The following PRKG1 variants were observed in gnomAD, a reference collection of about 807,000 sequenced individuals.
PRKG1 encodes the protein protein kinase cGMP-dependent 1.
In PRKG1, 35 loss-of-function variants were observed where a neutral mutation model predicts 88.1. The observed-to-expected ratio is 0.40, with a 90% CI of 0.30 to 0.53. The LOEUF (loss-of-function observed/expected upper bound fraction) is 0.53. PRKG1 is among the 20% of genes least tolerant of loss of function. PRKG1 has a pLI of 0.59. For missense variants in PRKG1, 540 were observed against 839.8 expected, an observed-to-expected ratio of 0.64 and a Z score of 4.41; for synonymous variants, 303 against 292.5, an observed-to-expected ratio of 1.04 and a Z score of -0.37.
intron 2 of PRKG1, among the ~76,000 whole-genome samples, chr10:51,196,308 T>G (rs1837764127): frequency 6.6e-6 from 1 of 152,232 alleles, no homozygotes; most frequent in South Asian, 2.1e-4. Flanking sequence ...AAGGCTTATA[T>G]GAATTAGATT....
intron 1 of PRKG1, among the ~76,000 whole-genome samples, chr10:51,105,164 C>G (rs1224223763): frequency 2.6e-5 from 4 of 152,206 alleles, no homozygotes; most frequent in Non-Finnish European, 5.9e-5. Flanking sequence ...AGCCACTGCA[C>G]CCAGCCCAGT....
At chr10:52,245,143 A>G (rs1403224391) in intron 9 of PRKG1, among the ~76,000 whole-genome samples, 1 of 151,730 alleles carries the variant, frequency 6.6e-6, no homozygotes, top group Non-Finnish European at 1.5e-5. Flanking sequence ...CCAGCATTAT[A>G]TTTTGGATAT....
At chr10:51,611,454 CA>C (rs1838905466) in intron 3 of PRKG1, among the ~76,000 whole-genome samples, 1 of 146,886 alleles carries the variant, frequency 6.8e-6, no homozygotes, top group Admixed American at 7.1e-5. Context: ...TGTCCTTTGC[CA>C]ATTTTTAATA....
intron 4 of PRKG1, among the ~76,000 whole-genome samples, chr10:51,839,156 T>G (rs982085913): frequency 7.0e-6 from 1 of 142,508 alleles, no homozygotes; most frequent in Non-Finnish European, 1.6e-5. Flanking sequence ...TATTATTTTT[T>G]TAACAGTTGG....
chr10:51,852,314 G>A lies in PRKG1; in HGVS notation c.698+47624G>A, dbSNP rs527518934. Among the ~76,000 whole-genome samples the A allele has an allele frequency of 4.6e-5, 7 of 150,614 alleles. No individual in the cohort carries two copies. In the East Asian group the frequency reaches 1.4e-3, roughly 29 times the overall value. The stretch of plus-strand genomic sequence containing the variant: ...CTGTTTTTTCTCCAACAGGTTGTGT[G>A]TGTGTGTATATATATACATATACAC... On this transcript the variant is annotated intron_variant, in intron 4 of 17. Coordinates refer to ENST00000373980, the MANE Select transcript of PRKG1 (RefSeq NM_006258.4).
intron 1 of PRKG1, among the ~76,000 whole-genome samples, chr10:51,021,524 A>G (rs1843136809): frequency 6.6e-6 from 1 of 152,214 alleles, no homozygotes; most frequent in Admixed American, 6.5e-5. Flanking sequence ...TCTAAAAGAC[A>G]GCACAAATTC....
intron 5 of PRKG1, among the ~76,000 whole-genome samples, chr10:51,924,762 G>T (rs896303434): frequency 7.0e-6 from 1 of 143,828 alleles, no homozygotes. Flanking sequence ...TTCCAGTTTT[G>T]GAAGTTTTTA....
At chr10:52,037,699 T>C (rs1845653217) in intron 5 of PRKG1, among the ~76,000 whole-genome samples, 1 of 152,122 alleles carries the variant, frequency 6.6e-6, no homozygotes. Flanking sequence ...GGAGGGCTAG[T>C]CATGGAACGA....
intron 3 of PRKG1, among the ~76,000 whole-genome samples, chr10:51,760,275 CACTG>C (rs1837984018): frequency 6.6e-6 from 1 of 152,118 alleles, no homozygotes; most frequent in Non-Finnish European, 1.5e-5. Context: ...CTCAGGCTAT[CACTG>C]ACTGTCAGTA....
At chr10:51,994,743 A>G (rs1844395486) in intron 5 of PRKG1, among the ~76,000 whole-genome samples, 1 of 152,148 alleles carries the variant, frequency 6.6e-6, no homozygotes, top group African/African-American at 2.4e-5. Context: ...TATATTTGAA[A>G]CATGCCTGCT....
intron 4 of PRKG1, among the ~76,000 whole-genome samples, chr10:51,873,824 C>T (rs947144008): frequency 2.6e-5 from 4 of 152,128 alleles, no homozygotes; most frequent in African/African-American, 7.2e-5. Flanking sequence ...CCACCATGCC[C>T]GGCCAAGAAA....
intron 3 of PRKG1, among the ~76,000 whole-genome samples, chr10:51,512,193 G>GTT (rs796923024): frequency 1.1e-4 from 13 of 117,706 alleles, no homozygotes; most frequent in African/African-American, 3.4e-4. Flanking sequence ...TTTTTTTTTA[G>GTT]TTTTTTTTTT....
chr10:51,604,145 T>G (rs1203120590), intron 3 of PRKG1, among the ~76,000 whole-genome samples: 1 of 151,774 alleles, frequency 6.6e-6, no homozygotes, highest in Admixed American at 6.6e-5. Flanking sequence ...ACCAGTCTCT[T>G]AAACATTATT....
At chr10:51,550,367 GTCT>G (rs1399467664) in intron 3 of PRKG1, among the ~76,000 whole-genome samples, 3 of 151,926 alleles carry the variant, frequency 2.0e-5, no homozygotes, top group African/African-American at 7.2e-5. Context: ...TTCTTTTGCT[GTCT>G]TCTTTTTTAA....
chr10:51,570,351 A>G (rs113719293), intron 3 of PRKG1, among the ~76,000 whole-genome samples: 1,838 of 152,000 alleles, frequency 0.012, 41 homozygotes, highest in African/African-American at 0.042. Flanking sequence ...GTATTCTTAC[A>G]ATAAATTAAG....
chr10:52,003,685 A>G (rs1844657086), intron 5 of PRKG1, among the ~76,000 whole-genome samples: 1 of 152,222 alleles, frequency 6.6e-6, no homozygotes, highest in Non-Finnish European at 1.5e-5. Context: ...TACAGAAGAG[A>G]AAGCTGACAT....
intron 10 of PRKG1, among the ~76,000 whole-genome samples, chr10:52,260,927 C>A (rs1841418549): frequency 6.6e-6 from 1 of 151,818 alleles, no homozygotes; most frequent in Non-Finnish European, 1.5e-5. Flanking sequence ...TATAAATGTT[C>A]TTTGATTTGC....
intron 2 of PRKG1, among the ~76,000 whole-genome samples, chr10:51,286,639 G>C (rs1840448077): frequency 2.0e-5 from 3 of 152,102 alleles, no homozygotes; most frequent in Admixed American, 2.0e-4. Flanking sequence ...TAAATGATCA[G>C]ATAACTGTAG....
intron 3 of PRKG1, among the ~76,000 whole-genome samples, chr10:51,802,882 T>C (rs1839210896): frequency 6.6e-6 from 1 of 152,146 alleles, no homozygotes; most frequent in South Asian, 2.1e-4. Flanking sequence ...TGCATGTGCA[T>C]GCACTACCCC....
Sources: allele counts gnomAD v4.1 joint callset (sites outside exome capture counted in the v4.1 genomes callset), GRCh38; gene constraint gnomAD v4.1.1; transcripts MANE v1.5; gene names NCBI Gene and HGNC (gene_info 2026-07-23, HGNC 2026-07-21).